PARP6: variants seen among roughly 807,000 people sequenced by gnomAD.
PARP6 encodes protein mono-ADP-ribosyltransferase PARP6.
A neutral mutation model predicts 92.0 loss-of-function variants in PARP6; 27 were observed. The ratio of observed to expected loss-of-function variants is 0.29; its 90% confidence interval spans 0.22 to 0.40. PARP6 has a LOEUF of 0.40. PARP6 is among the 10% of genes least tolerant of loss of function. PARP6 has a pLI of 1.00. For missense variants in PARP6, 501 were observed against 784.5 expected, an observed-to-expected ratio of 0.64 and a Z score of 4.32; for synonymous variants, 272 against 281.2, an observed-to-expected ratio of 0.97 and a Z score of 0.33.
At chr15:72,256,892 TAA>T (rs2085212095) in intron 13 of PARP6, among the ~76,000 whole-genome samples, 1 of 152,168 alleles carries the variant, frequency 6.6e-6, no homozygotes, top group South Asian at 2.1e-4. Flanking sequence ...CATTCTTTTT[TAA>T]AGAGACAGGG....
chr15:72,254,464 C>T lies in PARP6; in HGVS notation c.1182G>A (p.Glu394=), dbSNP rs1353575267. The T allele has an allele frequency of 1.2e-6, 2 of 1,612,174 alleles. No individual in the cohort carries two copies. Among genetic ancestry groups the T allele is most frequent in the Non-Finnish European group, 1.7e-6 (2 of 1,178,158 alleles). ...AGAGAAGGCAGAATACCTGGGTCAT[C>T]TCCCGAATAGACATCACACTATCCA... ...KALDSVMSIR[E]MTQGSYLEIK... Residue 394 remains glutamate, a synonymous_variant, in exon 15 of 24, where the codon GAG becomes GAA. Coordinates refer to ENST00000569795, the MANE Select transcript of PARP6 (RefSeq NM_001323532.2).
chr15:72,256,586 AC>A lies in PARP6; in HGVS notation c.1003del (p.Val335TrpfsTer12). The A allele has an allele frequency of 6.4e-7, 1 of 1,556,332 alleles. No homozygotes were observed. The highest frequency in any genetic ancestry group is 1.4e-5 in the African/African-American group (1 of 71,542). On this transcript the variant is annotated frameshift_variant, in exon 14 of 24. Transcript: ENST00000569795. LOFTEE classifies it high-confidence loss of function. ...CCTACACATGGCCACCAGCAGATCC[AC>A]CACCTTAGGGGAAAGGAAAAAAAAC... is the stretch of plus-strand genomic sequence containing the variant. ...AEEVATGAEV[V>X]DLLVAMCRAA...
intron 9 of PARP6, among the ~76,000 whole-genome samples, chr15:72,260,998 TGA>T (rs1409201907): frequency 6.6e-6 from 1 of 152,076 alleles, no homozygotes; most frequent in African/African-American, 2.4e-5. Flanking sequence ...CCTGTTTTTC[TGA>T]GAGAGAGAAA....
chr15:72,253,690 AT>A, intron 15 of PARP6, 186 bp from the exon 16 acceptor site: 1 of 693,828 alleles, frequency 1.4e-6, no homozygotes, highest in Non-Finnish European at 2.6e-6. Context: ...ATAAATAAAT[AT>A]GAAAATGACT....
chr15:72,247,699 G>A (rs1412325508), intron 20 of PARP6, among the ~76,000 whole-genome samples: 5 of 151,956 alleles, frequency 3.3e-5, no homozygotes, highest in Admixed American at 2.0e-4. Context: ...GCTATTTCTT[G>A]TCAGATTTGT....
chr15:72,253,572 CAG>C, intron 15 of PARP6, 68 bp from the exon 16 acceptor site: 1 of 1,334,360 alleles, frequency 7.5e-7, no homozygotes, highest in Non-Finnish European at 1.1e-6. Flanking sequence ...CTGCTTTTCA[CAG>C]AGTGACTATT....
At position 72,265,397 on chromosome 15, in the gene PARP6, T is replaced by C. The variant is rs1260631415; in HGVS notation, c.237+16A>G. 6.2e-7 allele frequency: 1 copy of C among 1,607,152 alleles called. No individual in the cohort carries two copies. Among genetic ancestry groups the C allele is most frequent in the Admixed American group, 1.7e-5 (1 of 60,008 alleles). On this transcript the variant is annotated intron_variant, in intron 6 of 23. Transcript: ENST00000569795. ...TCCAGCTAGACATGTTGTTGGCAGG[T>C]ACTAGCCCCACTTACATCGAGGAAG...
Position 72,241,487 on chromosome 15 carries a change from G to A in PARP6, c.1861C>T (p.Arg621Cys), listed in dbSNP as rs759456839. Residue 621 changes from arginine to cysteine, a missense_variant, in exon 24 of 24, where the codon CGT becomes TGT. By Grantham distance (180) the Arg-to-Cys change is radical. Transcript: ENST00000569795. The surrounding 1 kb of genome is among the most constrained non-coding windows in gnomAD (Gnocchi z 4.1). Reference protein sequence around the residue: ...QDPKIQKEIMRVIGTQVYTN With the variant: ...QDPKIQKEIMCVIGTQVYTN ...GTGTAAACCTGAGTTCCGATCACAC[G>A]CATGATTTCCTTCTGTATCTTGGGG... 99 of 1,613,998 alleles carry A rather than the reference G, an allele frequency of 6.1e-5. No homozygotes were observed. Among genetic ancestry groups the A allele is most frequent in the South Asian group, 2.3e-4 (21 of 91,068 alleles).
In PARP6 at chr15:72,265,918, C is replaced by A. The variant is rs1050475280; in HGVS notation, c.155G>T (p.Ser52Ile). The change falls in exon 5 of 24, where the codon AGT becomes ATT. Residue 52 changes from serine (S) to isoleucine (I), a missense_variant. By Grantham distance (142) the Ser-to-Ile change is moderately radical. Around this residue, in one of 4 missense-constraint regions of PARP6, gnomAD observed 291 missense variants for 352.0 expected, o/e 0.83. Coordinates refer to ENST00000569795, the MANE Select transcript of PARP6 (RefSeq NM_001323532.2). Reference sequence around the variant, plus strand: ...CCACCTGATGGATACAGAGTTCTCACTGTAGATCTCCTTCACGGCTTCAAT... The same window carrying A: ...CCACCTGATGGATACAGAGTTCTCAATGTAGATCTCCTTCACGGCTTCAAT... ...ADIEAVKEIY[S>I]ENSVSIREYG... 1.2e-6 allele frequency: 2 copies of A among 1,613,208 alleles called. No individual in the cohort carries two copies. The highest frequency in any genetic ancestry group is 2.7e-5 in the African/African-American group (2 of 74,878).
intron 15 of PARP6, 97 bp downstream of exon 15, chr15:72,254,358 A>T: frequency 3.6e-6 from 3 of 831,308 alleles, no homozygotes; most frequent in Non-Finnish European, 6.1e-6. Context: ...AGTGCGTAGC[A>T]TCTCTAAATC....
chr15:72,249,047 A>G (rs907845467), intron 20 of PARP6, 198 bp downstream of exon 20: 1 of 409,968 alleles, frequency 2.4e-6, no homozygotes, highest in Non-Finnish European at 4.4e-6. Context: ...ATTTTTAACA[A>G]TAACTGGCCT....
At chr15:72,265,039 C>A (rs757407123) in intron 7 of PARP6, 42 bp downstream of exon 7, 1 of 1,326,898 alleles carries the variant, frequency 7.5e-7, no homozygotes, top group South Asian at 1.2e-5. Flanking sequence ...TTGGATTAGA[C>A]CACACTCAGA....
chr15:72,249,224 T>C (rs760159221), intron 20 of PARP6, 21 bp downstream of exon 20: 1 of 1,469,986 alleles, frequency 6.8e-7, no homozygotes. Context: ...AGAGTCAAGG[T>C]GGCCACAGAA....
At position 72,260,508 on chromosome 15, in the gene PARP6, G is replaced by A. The variant is rs777507177; in HGVS notation, c.726C>T (p.Gly242=). The part of the protein sequence containing the change: ...QAGLLCPQHV[G]LPPPARTSPL... Reference sequence around the variant, plus strand: ...GAGAGGTCCGTGCTGGGGGAGGGAGGCCCACGTGCTGAGGGCACAGGAGAC... The same window carrying A: ...GAGAGGTCCGTGCTGGGGGAGGGAGACCCACGTGCTGAGGGCACAGGAGAC... The change falls in exon 10 of 24, where the codon GGC becomes GGT. Residue 242 remains glycine (G), a synonymous_variant. Coordinates refer to ENST00000569795, the MANE Select transcript of PARP6 (RefSeq NM_001323532.2). The A allele has an allele frequency of 1.2e-6, 2 of 1,614,124 alleles. No homozygotes were observed. Among genetic ancestry groups the A allele is most frequent in the Admixed American group, 3.3e-5 (2 of 60,030 alleles).
rs2084309947 is a variant in PARP6, at chr15:72,251,221, G to A, written c.1294C>T (p.Leu432=). The change falls in exon 17 of 24, where the codon CTA becomes TTA. Residue 432 remains leucine (L), a synonymous_variant. Coordinates refer to ENST00000569795, the MANE Select transcript of PARP6 (RefSeq NM_001323532.2). The part of the protein sequence containing the change: ...ISSNRSHIVK[L]PLSRLKFMHT... ...TGGTCACTTACCCTGCTGAGAGGTAGTTTGACAATGTGTGACCTGTTGCTA... is the reference window on the plus strand; with the variant it reads ...TGGTCACTTACCCTGCTGAGAGGTAATTTGACAATGTGTGACCTGTTGCTA... The A allele has an allele frequency of 6.3e-7, 1 of 1,596,900 alleles. No individual in the cohort carries two copies. The highest frequency in any genetic ancestry group is 1.1e-5 in the South Asian group (1 of 90,708).
rs774136565 is a variant in PARP6, at chr15:72,242,579, C to T, written c.1641+41G>A. 1.7e-5 allele frequency: 23 copies of T among 1,344,374 alleles called. No individual in the cohort carries two copies. The highest frequency in any genetic ancestry group is 1.2e-5 in the South Asian group (1 of 85,694). 83.3% of individuals were successfully genotyped at this position (1,344,374 alleles called of 1,614,324 possible). On this transcript the variant is annotated intron_variant, in intron 21 of 23. Transcript: ENST00000569795. The surrounding 1 kb of genome is among the most constrained non-coding windows in gnomAD (Gnocchi z 4.3). ...TGTCCAGCTCTGGAGCCTAAATTAG[C>T]CCCAGGGAAAGGTCCTGCCTCATTA...
rs1232755645 is a variant in PARP6 at position 72,241,312 on chromosome 15, G to A, written c.*143C>T. The A allele has an allele frequency of 1.4e-6, 1 of 712,378 alleles. No individual in the cohort carries two copies. The highest frequency in any genetic ancestry group is 2.6e-6 in the Non-Finnish European group (1 of 390,574). 44.1% of individuals were successfully genotyped at this position (712,378 alleles called of 1,614,324 possible). A position where few individuals can be genotyped will look rare whatever the true frequency, so the allele number is the denominator to read the frequency against. The stretch of plus-strand genomic sequence containing the variant: ...TTCTTGGGTCAAGCTCTACCATGAA[G>A]GCCACCTCTTACATATCCTTTTCCT... On this transcript the variant is annotated 3_prime_UTR_variant, in exon 24 of 24. Transcript: ENST00000569795. The surrounding 1 kb of genome is among the most constrained non-coding windows in gnomAD (Gnocchi z 4.1).
At chr15:72,264,429 G>T in intron 8 of PARP6, 126 bp downstream of exon 8, 1 of 706,474 alleles carries the variant, frequency 1.4e-6, no homozygotes, top group Admixed American at 2.4e-5. Context: ...CTTTTCCTGG[G>T]CATATTTCAG....
In PARP6 at chr15:72,246,761, A is replaced by ATT. The variant is rs35331581; in HGVS notation, c.1561+2482_1561+2483dup. 2.6e-3 allele frequency among the ~76,000 whole-genome samples: 386 copies of ATT among 148,868 alleles called. 1 individual carries two copies. The highest frequency in any genetic ancestry group is 4.9e-3 in the Non-Finnish European group (332 of 67,200). On this transcript the variant is annotated intron_variant, in intron 20 of 23. Transcript: ENST00000569795. The stretch of plus-strand genomic sequence containing the variant: ...CTTCTTATTGAACATATTTATTATT[A>ATT]TTTTTTTTTTTGAGATGGAGTCTTG...
Sources: allele counts gnomAD v4.1 joint callset (sites outside exome capture counted in the v4.1 genomes callset), GRCh38; gene constraint gnomAD v4.1.1; regional missense constraint gnomAD v4.1.1; non-coding constraint Gnocchi (gnomAD v3.1); transcripts MANE v1.5; gene names NCBI Gene and HGNC (gene_info 2026-07-23, HGNC 2026-07-21).